PHF19: variants seen among roughly 807,000 people sequenced by gnomAD.
The protein encoded by PHF19 is PHD finger protein 19.
PHF19 carries 21 observed loss-of-function variants against 79.8 expected under a neutral mutation model. The observed-to-expected ratio is 0.26, with a 90% confidence interval of 0.19 to 0.38. The LOEUF (loss-of-function observed/expected upper bound fraction) is 0.38, where lower values mean the gene tolerates loss of function less well. Ranked by LOEUF, PHF19 falls within the 10% of genes least tolerant of loss-of-function variation. The pLI, the probability that PHF19 is intolerant of heterozygous loss-of-function variation, is 1.00. For missense variants in PHF19, 445 were observed against 744.2 expected, an observed-to-expected ratio of 0.60 and a Z score of 4.68; for synonymous variants, 273 against 296.3, an observed-to-expected ratio of 0.92 and a Z score of 0.81.
chr9:120,870,042 C>T lies in PHF19; in HGVS notation c.365-97G>A. On this transcript the variant is annotated intron_variant, in intron 4 of 14. Transcript: ENST00000373896. This position sits in a 1 kb window ranked among gnomAD's most constrained non-coding sequence, Gnocchi z 4.4. Reference sequence around the variant, plus strand: ...CAGGGCTGGGAGGGCTGAGGGAAGTCCTAGGAGCTCTGCCTGCCAGCTGCC... The same window carrying T: ...CAGGGCTGGGAGGGCTGAGGGAAGTTCTAGGAGCTCTGCCTGCCAGCTGCC... 1 of 1,487,388 alleles carries T rather than the reference C, an allele frequency of 6.7e-7. No individual in the cohort carries two copies. The highest frequency in any genetic ancestry group is 2.5e-5 in the East Asian group (1 of 40,330). The allele number at this position is 1,487,388 out of a possible 1,614,324, so 92.1% of individuals were successfully genotyped here. A position where few individuals can be genotyped will look rare whatever the true frequency, so the allele number is the denominator to read the frequency against.
chr9:120,902,388 T>A, the PHF19 span: 1 of 152,060 alleles, frequency 6.6e-6, no homozygotes, highest in South Asian at 2.1e-4. Context: ...ATGTCACATC[T>A]TTGATGCACT....
chr9:120,865,894 C>A (rs2045683815), intron 8 of PHF19, 64 bp from the exon 9 acceptor site: 1 of 1,610,832 alleles, frequency 6.2e-7, no homozygotes, highest in African/African-American at 1.3e-5. Context: ...AGGGTCACAG[C>A]TTTCTGGGTC....
upstream of PHF19, among the ~76,000 whole-genome samples, chr9:120,878,693 C>T (rs946520510): frequency 6.6e-6 from 1 of 152,196 alleles, no homozygotes; most frequent in Non-Finnish European, 1.5e-5. Context: ...TCTCACCTGC[C>T]TCACTGCCCC....
chr9:120,860,698 T>C lies in PHF19; in HGVS notation c.1304+391A>G, dbSNP rs1422472835. The stretch of plus-strand genomic sequence containing the variant: ...TTCCTCCCTTGGACATACTTAAGCA[T>C]GGGGTGCTATGGAACTACAAAGGAG... On this transcript the variant is annotated intron_variant, in intron 13 of 14. Coordinates refer to ENST00000373896, the MANE Select transcript of PHF19 (RefSeq NM_015651.3). The surrounding 1 kb of genome is among the most constrained non-coding windows in gnomAD (Gnocchi z 4.1). 6.6e-6 allele frequency among the ~76,000 whole-genome samples: 1 copy of C among 152,184 alleles called. No homozygotes were observed.
intron 1 of PHF19, among the ~76,000 whole-genome samples, chr9:120,875,606 G>A (rs2046023621): frequency 1.3e-5 from 2 of 152,180 alleles, no homozygotes; most frequent in Non-Finnish European, 2.9e-5. Context: ...CCTGGTCTCA[G>A]TTCAGGCCTC....
rs1181662411 is a variant in PHF19 at position 120,860,233 on chromosome 9, T to A, written c.1305-48A>T. The A allele has an allele frequency of 5.6e-6, 6 of 1,072,094 alleles. No homozygotes were observed. Among genetic ancestry groups the A allele is most frequent in the Admixed American group, 2.0e-5 (1 of 50,954 alleles). The allele number at this position is 1,072,094 out of a possible 1,614,324, so 66.4% of individuals were successfully genotyped here. ...CCTGCTGGTGGCCCGGCCCAGCAAGTTCCTGCCAACCTGGCCCGCAGGTTC... is the reference window on the plus strand; with the variant it reads ...CCTGCTGGTGGCCCGGCCCAGCAAGATCCTGCCAACCTGGCCCGCAGGTTC... On this transcript the variant is annotated intron_variant, in intron 13 of 14. Coordinates refer to ENST00000373896, the MANE Select transcript of PHF19 (RefSeq NM_015651.3). The surrounding 1 kb of genome is among the most constrained non-coding windows in gnomAD (Gnocchi z 4.1).
In PHF19 at chr9:120,869,085, T is replaced by C. The variant is rs973609546; in HGVS notation, c.614+97A>G. Reference sequence around the variant, plus strand: ...GGGCCCGCCCTCAAGGTCCCCGCCTTGGCTGACACGCCAGGCTCGCTCCCT... The same window carrying C: ...GGGCCCGCCCTCAAGGTCCCCGCCTCGGCTGACACGCCAGGCTCGCTCCCT... On this transcript the variant is annotated intron_variant, in intron 6 of 14. Transcript: ENST00000373896. This position sits in a 1 kb window ranked among gnomAD's most constrained non-coding sequence, Gnocchi z 5.8. The C allele has an allele frequency of 1.4e-5, 18 of 1,290,368 alleles. No individual in the cohort carries two copies. The highest frequency in any genetic ancestry group is 2.8e-5 in the Admixed American group (1 of 36,232). 79.9% of individuals were successfully genotyped at this position (1,290,368 alleles called of 1,614,324 possible).
Position 120,860,446 on chromosome 9 carries a change from C to G in PHF19, c.1305-261G>C. 2.2e-6 allele frequency: 1 copy of G among 463,700 alleles called. No individual in the cohort carries two copies. Among genetic ancestry groups the G allele is most frequent in the South Asian group, 2.1e-5 (1 of 47,572 alleles). 28.7% of individuals were successfully genotyped at this position (463,700 alleles called of 1,614,324 possible). On this transcript the variant is annotated intron_variant, in intron 13 of 14. Coordinates refer to ENST00000373896, the MANE Select transcript of PHF19 (RefSeq NM_015651.3). This position sits in a 1 kb window ranked among gnomAD's most constrained non-coding sequence, Gnocchi z 4.1. ...AATAACTCGAGCGTGATCCAAGGCA[C>G]CTGTGCAACACTTCACAGGTCAAAA...
intron 10 of PHF19, among the ~76,000 whole-genome samples, chr9:120,863,274 G>T (rs751264099): frequency 6.6e-6 from 1 of 150,916 alleles, no homozygotes; most frequent in Non-Finnish European, 1.5e-5. Context: ...GCAGAGCTTT[G>T]TCTGGGCCCT....
chr9:120,869,949 C>T lies in PHF19; in HGVS notation c.365-4G>A, dbSNP rs202206658. On this transcript the variant is annotated splice_polypyrimidine_tract_variant and splice_region_variant and intron_variant, in intron 4 of 14. Coordinates refer to ENST00000373896, the MANE Select transcript of PHF19 (RefSeq NM_015651.3). This position sits in a 1 kb window ranked among gnomAD's most constrained non-coding sequence, Gnocchi z 5.8. ...ATGTGGCACTGCTGGTGGTAACCTACGGCAGAGGAGGGGGCGGTGAGCGCC... is the reference window on the plus strand; with the variant it reads ...ATGTGGCACTGCTGGTGGTAACCTATGGCAGAGGAGGGGGCGGTGAGCGCC... 318 of 1,568,836 alleles carry T rather than the reference C, an allele frequency of 2.0e-4. No individual in the cohort carries two copies. The highest frequency in any genetic ancestry group is 2.6e-4 in the Non-Finnish European group (298 of 1,157,052).
intron 1 of PHF19, among the ~76,000 whole-genome samples, chr9:120,892,645 T>C (rs1564520321): frequency 1.3e-5 from 2 of 152,202 alleles, no homozygotes; most frequent in Non-Finnish European, 2.9e-5. Flanking sequence ...CACACTTGTA[T>C]ACCTGTCATT....
intron 1 of PHF19, among the ~76,000 whole-genome samples, chr9:120,890,699 G>A (rs369566226): frequency 2.0e-5 from 3 of 152,168 alleles, no homozygotes; most frequent in Non-Finnish European, 2.9e-5. Flanking sequence ...AGCTTTAACC[G>A]AAGCCGCTCA....
At chr9:120,881,868 TCTC>T (rs1359915420), upstream of PHF19, among the ~76,000 whole-genome samples, 1 of 152,140 alleles carries the variant, frequency 6.6e-6, no homozygotes, top group Non-Finnish European at 1.5e-5. Flanking sequence ...TTCAAGCAAT[TCTC>T]CTGCCTCAGC....
chr9:120,866,171 T>A lies in PHF19; in HGVS notation c.711-75A>T. On this transcript the variant is annotated intron_variant, in intron 7 of 14. Transcript: ENST00000373896. This position sits in a 1 kb window ranked among gnomAD's most constrained non-coding sequence, Gnocchi z 5.2. ...CCCACCCCAGTCCAGCCCCTTGATC[T>A]CCTCATTCCCCACCTACCTTCCCAT... The A allele has an allele frequency of 9.5e-7, 1 of 1,049,186 alleles. No homozygotes were observed. The highest frequency in any genetic ancestry group is 1.3e-5 in the South Asian group (1 of 79,564). The allele number at this position is 1,049,186 out of a possible 1,614,324, so 65.0% of individuals were successfully genotyped here. A position where few individuals can be genotyped will look rare whatever the true frequency, so the allele number is the denominator to read the frequency against.
At chr9:120,858,516 G>C (rs1370720663) in intron 14 of PHF19, among the ~76,000 whole-genome samples, 2 of 152,174 alleles carry the variant, frequency 1.3e-5, no homozygotes, top group African/African-American at 2.4e-5. Context: ...CAAGAGCCCT[G>C]CGAGGAGGGA....
chr9:120,885,990 T>G (rs1170117354), intron 1 of PHF19, among the ~76,000 whole-genome samples: 1 of 152,232 alleles, frequency 6.6e-6, no homozygotes, highest in Non-Finnish European at 1.5e-5. Flanking sequence ...CGTCTGGCCT[T>G]TCTCTGTTGT....
In PHF19 at chr9:120,866,075, G is replaced by T. The variant is rs763807876; in HGVS notation, c.732C>A (p.Ser244=). The change falls in exon 8 of 15, where the codon TCC becomes TCA. Residue 244 remains serine, a synonymous_variant. Coordinates refer to ENST00000373896, the MANE Select transcript of PHF19 (RefSeq NM_015651.3). The surrounding 1 kb of genome is among the most constrained non-coding windows in gnomAD (Gnocchi z 5.2). ...FGDRFYLFFC[S]VCNQGPEYIE... ...TGTACTCTGGGCCCTGGTTACACAC[G>T]GAGCAGAAGAACAGGTAAAACCTGT... is the stretch of plus-strand genomic sequence containing the variant. 9 of 1,613,970 alleles carry T rather than the reference G, an allele frequency of 5.6e-6. No individual in the cohort carries two copies. The highest frequency in any genetic ancestry group is 2.2e-5 in the East Asian group (1 of 44,882).
In PHF19 at chr9:120,870,378, T is replaced by C; in HGVS notation, c.364+65A>G. On this transcript the variant is annotated intron_variant, in intron 4 of 14. Coordinates refer to ENST00000373896, the MANE Select transcript of PHF19 (RefSeq NM_015651.3). This position sits in a 1 kb window ranked among gnomAD's most constrained non-coding sequence, Gnocchi z 4.4. ...CCCCAACAGGCTGCAGCAGTACCCG[T>C]CAGGGGCCAGTGCGTGGGGACCTAT... The C allele has an allele frequency of 1.0e-6, 1 of 993,378 alleles. No individual in the cohort carries two copies. Among genetic ancestry groups the C allele is most frequent in the African/African-American group, 1.6e-5 (1 of 62,868 alleles). 61.5% of individuals were successfully genotyped at this position (993,378 alleles called of 1,614,324 possible).
intron 10 of PHF19, among the ~76,000 whole-genome samples, 153 bp downstream of exon 10, chr9:120,863,895 TG>T (rs1349063323): frequency 1.3e-5 from 2 of 151,224 alleles, no homozygotes; most frequent in Admixed American, 1.3e-4. Flanking sequence ...GCAAAGGAGG[TG>T]GGGTACCCCC....
Sources: gnomAD v4.1 joint callset for allele counts (sites outside exome capture counted in the v4.1 genomes callset) on GRCh38, gnomAD v4.1.1 for gene constraint, Gnocchi (gnomAD v3.1) non-coding constraint, MANE v1.5 for transcripts, NCBI Gene and HGNC (gene_info 2026-07-23, HGNC 2026-07-21) for gene names.